Variants in SLITRK5 observed in about 807,000 individuals in gnomAD.
SLITRK5 encodes SLIT and NTRK-like protein 5.
SLITRK5 carries 23 observed loss-of-function variants against 56.2 expected under a neutral mutation model. The observed-to-expected ratio is 0.41, with a 90% confidence interval of 0.29 to 0.58. The LOEUF (loss-of-function observed/expected upper bound fraction) is 0.58. Ranked by LOEUF, SLITRK5 falls within the 20% of genes least tolerant of loss-of-function variation. The pLI, the probability that SLITRK5 is intolerant of heterozygous loss-of-function variation, is 0.30. For synonymous variants in SLITRK5, 637 were observed against 531.8 expected (o/e 1.20, Z -2.72); for missense variants, 1,289 against 1,226.6 (o/e 1.05, Z -0.76).
Position 87,673,543 on chromosome 13 carries a change from G to A in SLITRK5, c.-9+1334G>A, listed in dbSNP as rs1005953273. ...CCCAACCTCGCTGAATGGATGTGCG[G>A]ATTTGATCCAGCGGAGAACTGAAAT... On this transcript the variant is annotated intron_variant, in intron 1 of 1. Transcript: ENST00000683689. 4 of 1,282,400 alleles carry A rather than the reference G, an allele frequency of 3.1e-6. No homozygotes were observed. The African/African-American group carries it at 6.1e-5, about 20-fold the overall frequency. 79.4% of individuals were successfully genotyped at this position (1,282,400 alleles called of 1,614,324 possible).
chr13:87,676,634 C>T lies in SLITRK5; in HGVS notation c.1246C>T (p.Leu416=), dbSNP rs1187663576. ...GCCCTACAATCCCAAGAAAATGTAT[C>T]TGACAGAGAACTACATCGCTGTCGT... ...PKPYNPKKMY[L]TENYIAVVRR... The change falls in exon 2 of 2, where the codon CTG becomes TTG. Residue 416 remains leucine (L), a synonymous_variant. Coordinates refer to ENST00000683689, the MANE Select transcript of SLITRK5 (RefSeq NM_001384609.1). 1 of 1,614,062 alleles carries T rather than the reference C, an allele frequency of 6.2e-7. No homozygotes were observed. Among genetic ancestry groups the T allele is most frequent in the East Asian group, 2.2e-5 (1 of 44,868 alleles).
rs1480547541 is a variant in SLITRK5 at position 87,671,767 on chromosome 13, G to C, written c.-451G>C. ...GGATGAAACTGCCAAAGGGATGCAA[G>C]AGCCTCTCAAATACTAATTAGGGGC... On this transcript the variant is annotated 5_prime_UTR_variant, in exon 1 of 2. Transcript: ENST00000683689. Among the ~76,000 whole-genome samples the C allele has an allele frequency of 6.6e-6, 1 of 152,132 alleles. No individual in the cohort carries two copies. Among genetic ancestry groups the C allele is most frequent in the Admixed American group, 6.5e-5 (1 of 15,286 alleles).
chr13:87,677,381 G>C lies in SLITRK5; in HGVS notation c.1993G>C (p.Val665Leu). ...AGGGGCGTCGTCGGTGCCCTTGTCT[G>C]TGTTAATTCTCAGCCTCCTGCTGGT... is the stretch of plus-strand genomic sequence containing the variant. Reference protein sequence around the residue: ...GGGASSVPLSVLILSLLLVFI... With the variant: ...GGGASSVPLSLLILSLLLVFI... The change falls in exon 2 of 2, where the codon GTG becomes CTG. Residue 665 changes from valine to leucine, a missense_variant. Val to Leu is a conservative substitution (Grantham distance 32). This residue lies in a region of SLITRK5 where 985 missense variants were observed against 906.0 expected (regional missense o/e 1.09). Coordinates refer to ENST00000683689, the MANE Select transcript of SLITRK5 (RefSeq NM_001384609.1). The surrounding 1 kb of genome is among the most constrained non-coding windows in gnomAD (Gnocchi z 4.7). 6.2e-7 allele frequency: 1 copy of C among 1,613,976 alleles called. No homozygotes were observed. The highest frequency in any genetic ancestry group is 8.5e-7 in the Non-Finnish European group (1 of 1,179,992).
Position 87,675,510 on chromosome 13 carries a change from T to C in SLITRK5, c.122T>C (p.Ile41Thr), listed in dbSNP as rs765351776. ...TSLVLSCAETIDYYGEICDNA... is the reference protein window; with the variant it reads ...TSLVLSCAETTDYYGEICDNA... ...CTCGTCCTTTCGTGTGCAGAAACCA[T>C]CGATTATTATGGGGAAATCTGTGAC... The change falls in exon 2 of 2, where the codon ATC (isoleucine) becomes ACC (threonine). Residue 41 changes from isoleucine (I) to threonine (T), a missense_variant. Ile to Thr is a moderately conservative substitution (Grantham distance 89, BLOSUM62 -1). This residue lies in a region of SLITRK5 where 291 missense variants were observed against 286.7 expected (regional missense o/e 1.02). Transcript: ENST00000683689. 8.7e-6 allele frequency: 14 copies of C among 1,614,080 alleles called. No homozygotes were observed. Among genetic ancestry groups the C allele is most frequent in the African/African-American group, 5.3e-5 (4 of 74,928 alleles).
chr13:87,676,775 T>TA lies in SLITRK5; in HGVS notation c.1388dup (p.Tyr463Ter). Residue 463 changes from tyrosine to a stop codon, truncating the protein, a stop_gained and frameshift_variant, in exon 2 of 2, where the codon TAC becomes TAAC. Coordinates refer to ENST00000683689, the MANE Select transcript of SLITRK5 (RefSeq NM_001384609.1). LOFTEE classifies it high-confidence loss of function. Reference sequence around the variant, plus strand: ...GGATCTCACCAACCTGAGGCGCCTCTACCTGAATGGCAACAGGATCGAGAG... The same window carrying TA: ...GGATCTCACCAACCTGAGGCGCCTCTAACCTGAATGGCAACAGGATCGAGAG... ...FGDLTNLRRL[Y>*]LNGNRIERLS... The TA allele has an allele frequency of 6.2e-7, 1 of 1,614,120 alleles. No individual in the cohort carries two copies. Among genetic ancestry groups the TA allele is most frequent in the Non-Finnish European group, 8.5e-7 (1 of 1,180,018 alleles).
At position 87,677,917 on chromosome 13, in the gene SLITRK5, C is replaced by T; in HGVS notation, c.2529C>T (p.Asp843=). The T allele has an allele frequency of 6.2e-7, 1 of 1,613,740 alleles. No homozygotes were observed. Among genetic ancestry groups the T allele is most frequent in the Admixed American group, 1.7e-5 (1 of 59,996 alleles). ...TCAGCACCATCGAGCCCCGGGAGGACCTGCTGTCGCCGGTGCAGGACGCCG... is the reference window on the plus strand; with the variant it reads ...TCAGCACCATCGAGCCCCGGGAGGATCTGCTGTCGCCGGTGCAGGACGCCG... ...YSVSTIEPRE[D]LLSPVQDADR... is the part of the protein sequence containing the mutation. The change falls in exon 2 of 2, where the codon GAC becomes GAT. Residue 843 remains aspartate, a synonymous_variant. Coordinates refer to ENST00000683689, the MANE Select transcript of SLITRK5 (RefSeq NM_001384609.1). The surrounding 1 kb of genome is among the most constrained non-coding windows in gnomAD (Gnocchi z 4.7).
intron 1 of SLITRK5, chr13:87,673,355 G>C (rs1877127500): frequency 2.8e-6 from 1 of 356,782 alleles, no homozygotes; most frequent in African/African-American, 2.2e-5. Flanking sequence ...GGAGGGGGAA[G>C]GGAGTGGGTT....
chr13:87,676,010 C>T lies in SLITRK5; in HGVS notation c.622C>T (p.Arg208Trp). ...RFVPLTHLDL[R>W]GNRLKLLPYV... ...TGTGCCCTTAACGCACTTGGACCTC[C>T]GGGGGAACCGGCTGAAACTTCTGCC... is the stretch of plus-strand genomic sequence containing the variant. Residue 208 changes from arginine to tryptophan, a missense_variant, in exon 2 of 2, where the codon CGG (arginine) becomes TGG (tryptophan). Physicochemically the swap from Arg to Trp is moderately radical, Grantham distance 101. This residue lies in a region of SLITRK5 where 291 missense variants were observed against 286.7 expected (regional missense o/e 1.02). Transcript: ENST00000683689. The T allele has an allele frequency of 1.2e-6, 2 of 1,614,118 alleles. No homozygotes were observed. The highest frequency in any genetic ancestry group is 1.7e-6 in the Non-Finnish European group (2 of 1,180,030).
At position 87,676,756 on chromosome 13, in the gene SLITRK5, C is replaced by T. The variant is rs1413506787; in HGVS notation, c.1368C>T (p.Leu456=). Residue 456 remains leucine, a synonymous_variant, in exon 2 of 2, where the codon CTC becomes CTT. Coordinates refer to ENST00000683689, the MANE Select transcript of SLITRK5 (RefSeq NM_001384609.1). ...SMIQDRAFGD[L]TNLRRLYLNG... ...TCCAGGACCGCGCTTTCGGGGATCT[C>T]ACCAACCTGAGGCGCCTCTACCTGA... The T allele has an allele frequency of 5.0e-6, 8 of 1,614,000 alleles. No individual in the cohort carries two copies. Among genetic ancestry groups the T allele is most frequent in the Non-Finnish European group, 6.8e-6 (8 of 1,180,022 alleles).
chr13:87,674,474 A>C (rs1035782062), intron 1 of SLITRK5: 2 of 861,968 alleles, frequency 2.3e-6, no homozygotes, highest in Non-Finnish European at 2.8e-6. Context: ...GTCCTTTTTA[A>C]ACTCTAGGCA....
intron 1 of SLITRK5, among the ~76,000 whole-genome samples, chr13:87,675,159 G>A (rs900146809): frequency 3.9e-5 from 6 of 152,070 alleles, no homozygotes; most frequent in Admixed American, 3.9e-4. Flanking sequence ...CATATTTGTG[G>A]TGTGCTCATT....
chr13:87,676,456 C>G lies in SLITRK5; in HGVS notation c.1068C>G (p.Ser356Arg). ...AGCCCTCTAAGGACTTGGGCTACAG[C>G]AACTATGGCCCCAGCATCGCCTATC... ...SRQPSKDLGY[S>R]NYGPSIAYQT... Residue 356 changes from serine (S) to arginine (R), a missense_variant, in exon 2 of 2, where the codon AGC becomes AGG. Ser to Arg is a moderately radical substitution (Grantham distance 110, BLOSUM62 -1). This residue lies in a region of SLITRK5 where 985 missense variants were observed against 906.0 expected (regional missense o/e 1.09). Coordinates refer to ENST00000683689, the MANE Select transcript of SLITRK5 (RefSeq NM_001384609.1). The G allele has an allele frequency of 6.2e-7, 1 of 1,614,066 alleles. No individual in the cohort carries two copies. Among genetic ancestry groups the G allele is most frequent in the Non-Finnish European group, 8.5e-7 (1 of 1,180,018 alleles).
At position 87,677,534 on chromosome 13, in the gene SLITRK5, G is replaced by C. The variant is rs1248661581; in HGVS notation, c.2146G>C (p.Val716Leu). The C allele has an allele frequency of 1.2e-6, 2 of 1,608,654 alleles. No individual in the cohort carries two copies. Among genetic ancestry groups the C allele is most frequent in the African/African-American group, 1.3e-5 (1 of 74,778 alleles). Residue 716 changes from valine to leucine, a missense_variant, in exon 2 of 2, where the codon GTG (valine) becomes CTG (leucine). Val to Leu is a conservative substitution (Grantham distance 32). This residue lies in a region of SLITRK5 where 985 missense variants were observed against 906.0 expected (regional missense o/e 1.09). Coordinates refer to ENST00000683689, the MANE Select transcript of SLITRK5 (RefSeq NM_001384609.1). The surrounding 1 kb of genome is among the most constrained non-coding windows in gnomAD (Gnocchi z 4.7). ...GAGCTCCTTTAACATGCAGTACAGC[G>C]TGTACGGCGGCGGCGGCGGCACGGG... ...DVSSFNMQYS[V>L]YGGGGGTGGH...
rs541979233 is a variant in SLITRK5, at chr13:87,673,940, T to C, written c.-8-1441T>C. On this transcript the variant is annotated intron_variant, in intron 1 of 1. Transcript: ENST00000683689. ...AGAGAAAAGGCATAGGTTCCTAGAG[T>C]CCAGCATTTCTATCAAATGTCCTCC... Among the ~76,000 whole-genome samples the C allele has an allele frequency of 6.1e-4, 93 of 151,638 alleles. 1 individual carries two copies. Among genetic ancestry groups the C allele is most frequent in the Non-Finnish European group, 9.4e-4 (64 of 67,902 alleles).
rs1000583114 is a variant in SLITRK5, at chr13:87,672,156, G to C, written c.-62G>C. Among the ~76,000 whole-genome samples the C allele has an allele frequency of 6.6e-6, 1 of 152,168 alleles. No homozygotes were observed. The highest frequency in any genetic ancestry group is 2.4e-5 in the African/African-American group (1 of 41,540). Reference sequence around the variant, plus strand: ...GCGAGGAGCCAGAGGAGGCTGGAGGGGGCGGCGGCCACAGCTGGGTCGGAG... The same window carrying C: ...GCGAGGAGCCAGAGGAGGCTGGAGGCGGCGGCGGCCACAGCTGGGTCGGAG... On this transcript the variant is annotated 5_prime_UTR_variant, in exon 1 of 2. Transcript: ENST00000683689.
chr13:87,675,891 T>C lies in SLITRK5; in HGVS notation c.503T>C (p.Ile168Thr). 6.2e-7 allele frequency: 1 copy of C among 1,614,166 alleles called. No individual in the cohort carries two copies. Among genetic ancestry groups the C allele is most frequent in the Non-Finnish European group, 8.5e-7 (1 of 1,180,028 alleles). ...GTCGATTACAACTACATCAGCGTCA[T>C]TGAACCCAATGCTTTTGGGAAACTG... ...LQVDYNYISV[I>T]EPNAFGKLHL... Residue 168 changes from isoleucine to threonine, a missense_variant, in exon 2 of 2, where the codon ATT becomes ACT. By Grantham distance (89) the Ile-to-Thr change is moderately conservative. Around this residue, in one of 3 missense-constraint regions of SLITRK5, gnomAD observed 291 missense variants for 286.7 expected, o/e 1.02. Transcript: ENST00000683689.
Position 87,677,103 on chromosome 13 carries a change from T to C in SLITRK5, c.1715T>C (p.Val572Ala). 6.2e-7 allele frequency: 1 copy of C among 1,614,152 alleles called. No homozygotes were observed. Among genetic ancestry groups the C allele is most frequent in the Non-Finnish European group, 8.5e-7 (1 of 1,180,028 alleles). Residue 572 changes from valine (V) to alanine (A), a missense_variant, in exon 2 of 2, where the codon GTG (valine) becomes GCG (alanine). Val to Ala is a moderately conservative substitution (Grantham distance 64). Around this residue, in one of 3 missense-constraint regions of SLITRK5, gnomAD observed 985 missense variants for 906.0 expected, o/e 1.09. Coordinates refer to ENST00000683689, the MANE Select transcript of SLITRK5 (RefSeq NM_001384609.1). This position sits in a 1 kb window ranked among gnomAD's most constrained non-coding sequence, Gnocchi z 4.7. ...DNPWDCTCDI[V>A]GMKLWVEQLK... is the part of the protein sequence containing the mutation. ...CCTTGGGATTGTACCTGTGACATTG[T>C]GGGCATGAAGCTGTGGGTGGAGCAG...
chr13:87,674,728 C>G (rs544540692), intron 1 of SLITRK5, among the ~76,000 whole-genome samples: 2 of 152,226 alleles, frequency 1.3e-5, no homozygotes, highest in East Asian at 3.9e-4. Flanking sequence ...CTCCTTTTTT[C>G]TCCTTACTCA....
rs537530236 is a variant in SLITRK5, at chr13:87,676,359, A to T, written c.971A>T (p.Tyr324Phe). ...GTGGCCACTTCTTCCTCTGCTGTTT[A>T]CAAACCCCCTTTGAAGCCCCCTAAG... ...NSVATSSSAV[Y>F]KPPLKPPKGT... is the part of the protein sequence containing the mutation. The change falls in exon 2 of 2, where the codon TAC becomes TTC. Residue 324 changes from tyrosine (Y) to phenylalanine (F), a missense_variant. Physicochemically the swap from Tyr to Phe is conservative, Grantham distance 22. Transcript: ENST00000683689. 9 of 1,614,060 alleles carry T rather than the reference A, an allele frequency of 5.6e-6. No homozygotes were observed. The Admixed American group carries it at 1.3e-4, about 24-fold the overall frequency.
Sources: gnomAD v4.1 joint callset for allele counts (sites outside exome capture counted in the v4.1 genomes callset) on GRCh38, gnomAD v4.1.1 for gene constraint, gnomAD v4.1.1 regional missense constraint, Gnocchi (gnomAD v3.1) non-coding constraint, MANE v1.5 for transcripts, NCBI Gene and HGNC (gene_info 2026-07-23, HGNC 2026-07-21) for gene names.